The following NCK2 variants were observed in gnomAD, a reference collection of about 807,000 sequenced individuals.
The protein encoded by NCK2 is NCK adaptor protein 2.
NCK2 carries 16 observed loss-of-function variants against 33.9 expected under a neutral mutation model. That is an observed-to-expected ratio of 0.47 (90% CI 0.32 to 0.72). NCK2 has a LOEUF of 0.72. Ranked by LOEUF, NCK2 falls within the 30% of genes least tolerant of loss-of-function variation. The pLI, the probability that NCK2 is intolerant of heterozygous loss-of-function variation, is 0.03. For missense variants in NCK2, 418 were observed against 537.3 expected (o/e 0.78, Z 2.19); for synonymous variants, 273 against 239.9 (o/e 1.14, Z -1.27).
At chr2:105,892,301 GTT>G (rs1197662780) in intron 4 of NCK2, among the ~76,000 whole-genome samples, 3 of 152,112 alleles carry the variant, frequency 2.0e-5, no homozygotes, top group Non-Finnish European at 4.4e-5. Context: ...TAAATTCCCA[GTT>G]TATCAAAAAA....
chr2:105,873,390 C>T (rs943008667), intron 3 of NCK2, among the ~76,000 whole-genome samples: 1 of 152,122 alleles, frequency 6.6e-6, no homozygotes. Flanking sequence ...TGTGGCCTCC[C>T]AGCATCACAG....
chr2:105,835,433 T>G (rs1489733175), intron 2 of NCK2, among the ~76,000 whole-genome samples: 2 of 14,616 alleles, frequency 1.4e-4, no homozygotes, highest in South Asian at 4.4e-3. Context: ...ATTTTTTTTT[T>G]GGTCAGCATT....
chr2:105,881,164 C>G (rs1051891776), intron 3 of NCK2, among the ~76,000 whole-genome samples, 164 bp from the exon 4 acceptor site: 1 of 152,150 alleles, frequency 6.6e-6, no homozygotes, highest in Non-Finnish European at 1.5e-5. Flanking sequence ...AGGCAGCTGC[C>G]AGCAACCGTA....
chr2:105,799,889 T>G (rs2104444056), intron 1 of NCK2, among the ~76,000 whole-genome samples: 1 of 152,326 alleles, frequency 6.6e-6, no homozygotes, highest in Non-Finnish European at 1.5e-5. Flanking sequence ...AAATCATTAA[T>G]GACATAACTT....
intron 2 of NCK2, among the ~76,000 whole-genome samples, chr2:105,854,320 C>T (rs886258093): frequency 3.3e-5 from 5 of 152,126 alleles, no homozygotes; most frequent in African/African-American, 9.7e-5. Flanking sequence ...CTGCTACAGA[C>T]GTCTCTGCAC....
At chr2:105,761,573 T>TA (rs986926323) in intron 1 of NCK2, among the ~76,000 whole-genome samples, 5 of 152,300 alleles carry the variant, frequency 3.3e-5, no homozygotes, top group Middle Eastern at 3.4e-3. Flanking sequence ...TTTTGTTTAT[T>TA]AAAAAATGAC....
chr2:105,856,583 A>G (rs1195870656), intron 3 of NCK2: 1 of 152,224 alleles, frequency 6.6e-6, no homozygotes, highest in Non-Finnish European at 1.5e-5. Context: ...CTTTTCTGCC[A>G]TGTTGAAAAG....
At chr2:105,785,254 A>G (rs1397312156) in intron 1 of NCK2, among the ~76,000 whole-genome samples, 1 of 152,210 alleles carries the variant, frequency 6.6e-6, no homozygotes, top group Non-Finnish European at 1.5e-5. Context: ...TTGGGATTAC[A>G]GGCGTGAGCG....
intron 1 of NCK2, among the ~76,000 whole-genome samples, chr2:105,800,050 G>T (rs149592868): frequency 1.3e-3 from 196 of 152,332 alleles, no homozygotes; most frequent in African/African-American, 4.4e-3. Flanking sequence ...GGTATCATTA[G>T]ATGTGTCTTT....
chr2:105,834,721 G>T (rs989231288), intron 2 of NCK2, among the ~76,000 whole-genome samples: 1 of 151,976 alleles, frequency 6.6e-6, no homozygotes, highest in East Asian at 1.9e-4. Context: ...AAGCTAGAGT[G>T]CAGTGGCATG....
At chr2:105,763,887 C>T (rs1689846240) in intron 1 of NCK2, among the ~76,000 whole-genome samples, 1 of 152,214 alleles carries the variant, frequency 6.6e-6, no homozygotes. Context: ...TAAATACCAG[C>T]TGCTAGAAGT....
At chr2:105,810,150 T>C (rs1675234805) in intron 1 of NCK2, among the ~76,000 whole-genome samples, 1 of 152,214 alleles carries the variant, frequency 6.6e-6, no homozygotes, top group East Asian at 1.9e-4. Flanking sequence ...GAATTTTATC[T>C]AAAGCTGTGC....
At chr2:105,812,815 C>CTTT (rs5833152) in intron 1 of NCK2, among the ~76,000 whole-genome samples, 88 of 142,936 alleles carry the variant, frequency 6.2e-4, no homozygotes, top group East Asian at 1.2e-3. Context: ...TTCAACAAGG[C>CTTT]TTTTTTTTTT....
chr2:105,769,531 G>A (rs952348027), intron 1 of NCK2, among the ~76,000 whole-genome samples: 3 of 152,148 alleles, frequency 2.0e-5, no homozygotes, highest in Non-Finnish European at 1.5e-5. Flanking sequence ...TTATAATAAC[G>A]TACAGAAGAA....
chr2:105,783,286 G>A (rs1690561306), intron 1 of NCK2, among the ~76,000 whole-genome samples: 1 of 152,194 alleles, frequency 6.6e-6, no homozygotes, highest in African/African-American at 2.4e-5. Flanking sequence ...CTAGAGCTTG[G>A]GTGGGCCCCC....
chr2:105,758,470 G>A (rs770577000), intron 1 of NCK2, among the ~76,000 whole-genome samples: 2 of 145,868 alleles, frequency 1.4e-5, no homozygotes, highest in African/African-American at 5.1e-5. Context: ...GAGTGCAGTC[G>A]CTTGATCTCG....
rs762019822 is a variant in NCK2, at chr2:105,881,467, T to C, written c.366T>C (p.Tyr122=). 2 of 1,613,914 alleles carry C rather than the reference T, an allele frequency of 1.2e-6. No homozygotes were observed. The highest frequency in any genetic ancestry group is 2.2e-5 in the South Asian group (2 of 91,090). Residue 122 remains tyrosine (Y), a synonymous_variant, in exon 4 of 5, where the codon TAT becomes TAC. Coordinates refer to ENST00000233154, the MANE Select transcript of NCK2 (RefSeq NM_003581.5). The part of the protein sequence containing the change: ...LNIPAFVKFA[Y]VAEREDELSL... Reference sequence around the variant, plus strand: ...TCCCGGCCTTCGTCAAGTTCGCCTATGTGGCCGAGCGGGAGGATGAGTTGT... The same window carrying C: ...TCCCGGCCTTCGTCAAGTTCGCCTACGTGGCCGAGCGGGAGGATGAGTTGT...
chr2:105,796,876 G>A (rs1478926895), intron 1 of NCK2, among the ~76,000 whole-genome samples: 1 of 152,148 alleles, frequency 6.6e-6, no homozygotes, highest in African/African-American at 2.4e-5. Flanking sequence ...TCACAGGTTA[G>A]TCTGCCCTCT....
At chr2:105,833,419 T>G (rs375532933) in intron 2 of NCK2, among the ~76,000 whole-genome samples, 61 of 152,180 alleles carry the variant, frequency 4.0e-4, no homozygotes, top group African/African-American at 1.4e-3. Context: ...TGCTTCATTG[T>G]CAGCAAGTTA....
Sources: gnomAD v4.1 joint callset for allele counts (sites outside exome capture counted in the v4.1 genomes callset) on GRCh38, gnomAD v4.1.1 for gene constraint, MANE v1.5 for transcripts, NCBI Gene and HGNC (gene_info 2026-07-23, HGNC 2026-07-21) for gene names.